CHRM3: variants seen among roughly 807,000 people sequenced by gnomAD.
CHRM3 encodes the protein cholinergic receptor muscarinic 3, also known as muscarinic acetylcholine receptor M3.
CHRM3 carries 11 observed loss-of-function variants against 41.8 expected under a neutral mutation model. That is an observed-to-expected ratio of 0.26 (90% CI 0.17 to 0.44). CHRM3 has a LOEUF of 0.44. Among genes scored for constraint, CHRM3 ranks in the 20% least tolerant of loss-of-function variants. The pLI is 1.00. For missense variants in CHRM3, 571 were observed against 745.4 expected, an observed-to-expected ratio of 0.77 and a Z score of 2.72; for synonymous variants, 297 against 301.4, an observed-to-expected ratio of 0.99 and a Z score of 0.15.
chr1:239,543,298 C>G (rs1277055700), intron 2 of CHRM3, among the ~76,000 whole-genome samples: 4 of 152,098 alleles, frequency 2.6e-5, no homozygotes, highest in African/African-American at 9.7e-5. Context: ...GCTTGTGCCT[C>G]CTACAGGGAA....
At chr1:239,388,526 T>A (rs1215711626) in intron 1 of CHRM3, among the ~76,000 whole-genome samples, 1 of 152,232 alleles carries the variant, frequency 6.6e-6, no homozygotes, top group African/African-American at 2.4e-5. Flanking sequence ...TCATCATTAT[T>A]TCCTGTGTTT....
chr1:239,450,192 TAA>T (rs1406035729), intron 1 of CHRM3, among the ~76,000 whole-genome samples: 1 of 152,222 alleles, frequency 6.6e-6, no homozygotes, highest in Admixed American at 6.5e-5. Context: ...ATCTTTTGTT[TAA>T]AAAATATTAT....
chr1:239,609,675 T>C (rs996451371), intron 3 of CHRM3, among the ~76,000 whole-genome samples: 12 of 152,204 alleles, frequency 7.9e-5, no homozygotes, highest in African/African-American at 1.7e-4. Context: ...GTATTTTCAA[T>C]TGTGGTCATT....
At chr1:239,533,241 G>C (rs1251128325) in intron 2 of CHRM3, among the ~76,000 whole-genome samples, 1 of 152,150 alleles carries the variant, frequency 6.6e-6, no homozygotes, top group Non-Finnish European at 1.5e-5. Context: ...CTGGCTGCCA[G>C]CTTGTGTCAG....
At chr1:239,523,923 A>G (rs1669821929) in intron 2 of CHRM3, among the ~76,000 whole-genome samples, 1 of 152,196 alleles carries the variant, frequency 6.6e-6, no homozygotes, top group African/African-American at 2.4e-5. Flanking sequence ...AATGAATGGA[A>G]TATTTCTGTT....
chr1:239,552,381 G>C (rs1228086346), intron 3 of CHRM3, among the ~76,000 whole-genome samples: 1 of 137,660 alleles, frequency 7.3e-6, no homozygotes, highest in Non-Finnish European at 1.5e-5. Flanking sequence ...TCATATATAT[G>C]TATAGATATG....
chr1:239,571,381 G>A (rs1411565337), intron 3 of CHRM3, among the ~76,000 whole-genome samples: 2 of 152,200 alleles, frequency 1.3e-5, no homozygotes, highest in African/African-American at 4.8e-5. Flanking sequence ...AGATTGAAAA[G>A]ACACGCTGAC....
At chr1:239,435,605 T>C (rs1428870396) in intron 1 of CHRM3, among the ~76,000 whole-genome samples, 1 of 152,122 alleles carries the variant, frequency 6.6e-6, no homozygotes, top group Non-Finnish European at 1.5e-5. Context: ...TGATGTAGGC[T>C]AGACATTTGG....
chr1:239,491,815 C>T (rs555338035), intron 1 of CHRM3, among the ~76,000 whole-genome samples: 1 of 152,272 alleles, frequency 6.6e-6, no homozygotes, highest in African/African-American at 2.4e-5. Context: ...AGTGCTGTTT[C>T]TATTGCTTTT....
At chr1:239,881,181 G>A (rs1008110098) in intron 6 of CHRM3, among the ~76,000 whole-genome samples, 5 of 150,268 alleles carry the variant, frequency 3.3e-5, no homozygotes, top group African/African-American at 1.2e-4. Flanking sequence ...TTCTCGGGAG[G>A]CTGAGGCAGG....
chr1:239,461,008 A>G (rs1665314467), intron 1 of CHRM3, among the ~76,000 whole-genome samples: 1 of 152,154 alleles, frequency 6.6e-6, no homozygotes, highest in Non-Finnish European at 1.5e-5. Flanking sequence ...CTCCATTGGG[A>G]TCTATAGCCT....
chr1:239,783,203 C>G (rs1270117124), intron 5 of CHRM3, among the ~76,000 whole-genome samples: 1 of 151,694 alleles, frequency 6.6e-6, no homozygotes, highest in Admixed American at 6.6e-5. Context: ...AAGTCTCCAG[C>G]TATAATATTG....
chr1:239,607,836 G>A (rs1398286090), intron 3 of CHRM3, among the ~76,000 whole-genome samples: 1 of 151,846 alleles, frequency 6.6e-6, no homozygotes, highest in Non-Finnish European at 1.5e-5. Context: ...TGCAATGCTT[G>A]TTTCTTTGCT....
At chr1:239,742,277 A>G (rs538951361) in intron 5 of CHRM3, among the ~76,000 whole-genome samples, 19 of 122,874 alleles carry the variant, frequency 1.5e-4, no homozygotes, top group African/African-American at 5.3e-4. Context: ...AGTGACTTAA[A>G]GCAGTAACCA....
Position 239,907,379 on chromosome 1 carries a change from A to C in CHRM3, c.-19-54A>C. On this transcript the variant is annotated intron_variant, in intron 6 of 6. Coordinates refer to ENST00000676153, the MANE Select transcript of CHRM3 (RefSeq NM_001375978.1). The surrounding 1 kb of genome is among the most constrained non-coding windows in gnomAD (Gnocchi z 5.4). ...TTTTAACGTATGTAATGCAAAGAAC[A>C]AACAAATAAAGGCAGAAATTTTTCT... The C allele has an allele frequency of 1.4e-6, 2 of 1,431,660 alleles. No homozygotes were observed. The highest frequency in any genetic ancestry group is 1.9e-6 in the Non-Finnish European group (2 of 1,043,666). The allele number at this position is 1,431,660 out of a possible 1,614,324, so 88.7% of individuals were successfully genotyped here.
intron 1 of CHRM3, among the ~76,000 whole-genome samples, chr1:239,479,419 C>T (rs963662804): frequency 1.4e-4 from 22 of 152,132 alleles, no homozygotes; most frequent in Admixed American, 9.8e-4. Context: ...ATAAGAAGGA[C>T]GGCTAACTTT....
intron 5 of CHRM3, among the ~76,000 whole-genome samples, chr1:239,679,919 A>G (rs1303490988): frequency 6.6e-6 from 1 of 152,076 alleles, no homozygotes; most frequent in Non-Finnish European, 1.5e-5. Context: ...ATAGGTCTCA[A>G]CCTTCACTGT....
At chr1:239,762,842 A>T (rs1666910565) in intron 5 of CHRM3, among the ~76,000 whole-genome samples, 1 of 152,216 alleles carries the variant, frequency 6.6e-6, no homozygotes, top group South Asian at 2.1e-4. Flanking sequence ...AAATGGCTGG[A>T]TTCAAATAAG....
At chr1:239,561,890 A>G (rs1490394363) in intron 3 of CHRM3, among the ~76,000 whole-genome samples, 1 of 152,160 alleles carries the variant, frequency 6.6e-6, no homozygotes, top group Non-Finnish European at 1.5e-5. Flanking sequence ...AATGGTGTAA[A>G]CAGAATTTCT....
Sources: allele counts gnomAD v4.1 joint callset (sites outside exome capture counted in the v4.1 genomes callset), GRCh38; gene constraint gnomAD v4.1.1; non-coding constraint Gnocchi (gnomAD v3.1); transcripts MANE v1.5; gene names NCBI Gene and HGNC (gene_info 2026-07-23, HGNC 2026-07-21).